Variants in CMTM4 observed in about 807,000 individuals in gnomAD.
CMTM4 encodes the protein CKLF-like MARVEL transmembrane domain-containing protein 4.
CMTM4 carries 8 observed loss-of-function variants against 19.0 expected under a neutral mutation model. The observed-to-expected ratio is 0.42, with a 90% CI of 0.25 to 0.76. The LOEUF is 0.76. Ranked by LOEUF, CMTM4 falls within the 30% of genes least tolerant of loss-of-function variation. The pLI is 0.27. For missense variants in CMTM4, 228 were observed against 290.2 expected, an observed-to-expected ratio of 0.79 and a Z score of 1.56; for synonymous variants, 106 against 121.1, an observed-to-expected ratio of 0.88 and a Z score of 0.82.
chr16:66,609,078 C>T, the CMTM4 span, among the ~76,000 whole-genome samples: 4 of 152,210 alleles, frequency 2.6e-5, no homozygotes, highest in East Asian at 1.9e-4. This position sits in a 1 kb window ranked among gnomAD's most constrained non-coding sequence, Gnocchi z 4.4. Context: ...GTGACAAAGC[C>T]GAGGCCCAGA....
chr16:66,605,468 C>T, the CMTM4 span: 1 of 152,728 alleles, frequency 6.5e-6, no homozygotes, highest in Non-Finnish European at 1.5e-5. The surrounding 1 kb of genome is among the most constrained non-coding windows in gnomAD (Gnocchi z 4.6). Flanking sequence ...TCCTCCCCTC[C>T]GCGGCCGGGC....
chr16:66,686,059 C>T (rs566224106), intron 1 of CMTM4, among the ~76,000 whole-genome samples: 2 of 151,938 alleles, frequency 1.3e-5, no homozygotes, highest in South Asian at 4.2e-4. Context: ...TCAAGACCAT[C>T]CCGGCCAACA....
Position 66,621,984 on chromosome 16 carries a change from G to A in CMTM4, c.*74C>T. The A allele has an allele frequency of 6.7e-7, 1 of 1,491,958 alleles. No individual in the cohort carries two copies. Among genetic ancestry groups the A allele is most frequent in the Middle Eastern group, 1.9e-4 (1 of 5,204 alleles). The allele number at this position is 1,491,958 out of a possible 1,614,324, so 92.4% of individuals were successfully genotyped here. ...ATTCAACTGAATCACATGGAAATCT[G>A]ACAGGACAAGGGAAAGAAAACTTGA... is the stretch of plus-strand genomic sequence containing the variant. On this transcript the variant is annotated 3_prime_UTR_variant, in exon 4 of 4. Transcript: ENST00000394106.
At chr16:66,672,626 T>A (rs1336092243) in intron 1 of CMTM4, among the ~76,000 whole-genome samples, 1 of 151,878 alleles carries the variant, frequency 6.6e-6, no homozygotes, top group Non-Finnish European at 1.5e-5. Flanking sequence ...CACTTTTGAG[T>A]TACACTTTTG....
intron 1 of CMTM4, among the ~76,000 whole-genome samples, chr16:66,651,393 G>C (rs2016308150): frequency 6.6e-6 from 1 of 152,154 alleles, no homozygotes; most frequent in Non-Finnish European, 1.5e-5. Context: ...GCAATGCCAG[G>C]CACCTCCGAA....
At chr16:66,682,797 A>C (rs2016939335) in intron 1 of CMTM4, among the ~76,000 whole-genome samples, 1 of 152,006 alleles carries the variant, frequency 6.6e-6, no homozygotes, top group Non-Finnish European at 1.5e-5. Context: ...TTTGCCTGAA[A>C]AGTGTCTCTT....
At chr16:66,673,205 C>T (rs1029664788) in intron 1 of CMTM4, among the ~76,000 whole-genome samples, 26 of 145,000 alleles carry the variant, frequency 1.8e-4, no homozygotes, top group Admixed American at 5.7e-4. Context: ...GCCACCACAC[C>T]CAGTCTTTTT....
At chr16:66,672,636 G>GT (rs1010888255) in intron 1 of CMTM4, among the ~76,000 whole-genome samples, 3 of 151,146 alleles carry the variant, frequency 2.0e-5, no homozygotes, top group Admixed American at 6.6e-5. Context: ...TTACACTTTT[G>GT]TTTTTTTTGA....
intron 1 of CMTM4, among the ~76,000 whole-genome samples, chr16:66,650,138 G>A (rs1361104772): frequency 6.6e-6 from 1 of 152,170 alleles, no homozygotes; most frequent in Non-Finnish European, 1.5e-5. Context: ...AACTCAGGTG[G>A]TCTTAGAGGA....
the CMTM4 span, chr16:66,609,435 G>A: frequency 6.2e-7 from 1 of 1,612,424 alleles, no homozygotes; most frequent in Non-Finnish European, 8.5e-7. The surrounding 1 kb of genome is among the most constrained non-coding windows in gnomAD (Gnocchi z 4.4). Flanking sequence ...CTCTCCCCAG[G>A]ACTTCCTGCG....
intron 1 of CMTM4, among the ~76,000 whole-genome samples, chr16:66,662,612 G>A (rs930562442): frequency 1.3e-5 from 2 of 152,164 alleles, no homozygotes; most frequent in African/African-American, 2.4e-5. Flanking sequence ...CAGAGGAGTC[G>A]ACTCAGAGGA....
Position 66,619,886 on chromosome 16 carries a change from C to T in CMTM4, c.*2172G>A, listed in dbSNP as rs2015597179. 1 of 985,430 alleles carries T rather than the reference C, an allele frequency of 1.0e-6. No homozygotes were observed. Among genetic ancestry groups the T allele is most frequent in the Non-Finnish European group, 1.2e-6 (1 of 829,924 alleles). 61.0% of individuals were successfully genotyped at this position (985,430 alleles called of 1,614,324 possible). ...GATGCAAATTAACTCCTAAGTCACT[C>T]TCTGGCGTGTCATCCTTTTTGGTCA... On this transcript the variant is annotated 3_prime_UTR_variant, in exon 4 of 4. Coordinates refer to ENST00000394106, the MANE Select transcript of CMTM4 (RefSeq NM_181521.3).
At chr16:66,600,138 TTTTTTTTG>T in the CMTM4 span, among the ~76,000 whole-genome samples, 1,537 of 126,214 alleles carry the variant, frequency 0.012, 18 homozygotes, top group Non-Finnish European at 0.017. Context: ...GTGTGTGTGT[TTTTTTTTG>T]TTTTTTTTTT....
intron 1 of CMTM4, among the ~76,000 whole-genome samples, chr16:66,676,502 T>C (rs1596956289): frequency 6.6e-6 from 1 of 151,986 alleles, no homozygotes; most frequent in Non-Finnish European, 1.5e-5. Flanking sequence ...AACAACGGGG[T>C]AGCTACAGGA....
At chr16:66,677,724 C>T (rs1239694700) in intron 1 of CMTM4, among the ~76,000 whole-genome samples, 4 of 150,796 alleles carry the variant, frequency 2.7e-5, no homozygotes, top group Non-Finnish European at 5.9e-5. Flanking sequence ...TTTTTTGAGA[C>T]AGAATCTCAC....
chr16:66,608,970 C>T, the CMTM4 span, among the ~76,000 whole-genome samples: 1 of 152,084 alleles, frequency 6.6e-6, no homozygotes. The surrounding 1 kb of genome is among the most constrained non-coding windows in gnomAD (Gnocchi z 5.1). Context: ...ACTTCATATC[C>T]AGCATCTGCT....
chr16:66,620,098 T>C lies in CMTM4; in HGVS notation c.*1960A>G. The C allele has an allele frequency of 1.0e-6, 1 of 985,462 alleles. No individual in the cohort carries two copies. Among genetic ancestry groups the C allele is most frequent in the South Asian group, 4.7e-5 (1 of 21,292 alleles). The allele number at this position is 985,462 out of a possible 1,614,324, so 61.0% of individuals were successfully genotyped here. On this transcript the variant is annotated 3_prime_UTR_variant, in exon 4 of 4. Transcript: ENST00000394106. ...CTTGTTTTCAATCTCACTTCAAAGA[T>C]GGCCTTTTTTGGGGGCCAAGTAACA...
At chr16:66,636,937 G>A (rs1241034255) in intron 1 of CMTM4, among the ~76,000 whole-genome samples, 2 of 152,074 alleles carry the variant, frequency 1.3e-5, no homozygotes, top group African/African-American at 4.8e-5. Context: ...TAAGTAAGTG[G>A]GTGTTGCCTA....
intron 1 of CMTM4, among the ~76,000 whole-genome samples, chr16:66,669,467 TA>T (rs35876830): frequency 0.055 from 7,115 of 128,650 alleles, 203 homozygotes; most frequent in South Asian, 0.13. Context: ...ACATGTTAAT[TA>T]AAAAAAAAAA....
Sources: gnomAD v4.1 joint callset for allele counts (sites outside exome capture counted in the v4.1 genomes callset) on GRCh38, gnomAD v4.1.1 for gene constraint, Gnocchi (gnomAD v3.1) non-coding constraint, MANE v1.5 for transcripts, NCBI Gene and HGNC (gene_info 2026-07-23, HGNC 2026-07-21) for gene names.